Variants in BEND7 observed in about 807,000 individuals in gnomAD.
BEND7 encodes the protein BEN domain-containing protein 7.
Under a neutral mutation model 50.9 loss-of-function variants are expected in BEND7, and 28 were observed. The ratio of observed to expected loss-of-function variants is 0.55; its 90% confidence interval spans 0.41 to 0.75. The LOEUF (loss-of-function observed/expected upper bound fraction) is 0.75. BEND7 is among the 30% of genes least tolerant of loss of function. The pLI is 0.00. For synonymous variants in BEND7, 170 were observed against 183.9 expected (o/e 0.92, Z 0.61); for missense variants, 477 against 491.3 (o/e 0.97, Z 0.28).
At chr10:13,458,244 A>G (rs1490206147) in intron 6 of BEND7, among the ~76,000 whole-genome samples, 1 of 152,246 alleles carries the variant, frequency 6.6e-6, no homozygotes, top group African/African-American at 2.4e-5. Context: ...CCCTTCCTTC[A>G]GAATGCTGCT....
chr10:13,514,279 A>G lies in BEND7; in HGVS notation c.145+11859T>C, dbSNP rs2078495864. On this transcript the variant is annotated intron_variant, in intron 2 of 8. Coordinates refer to ENST00000466271, the MANE Select transcript of BEND7 (RefSeq NM_001369863.1). ...AACGTCAATTCTAATAACAGATATG[A>G]CGAGAAGATACGGTTGAGGAAAGCT... Among the ~76,000 whole-genome samples, 4 of 152,342 alleles carry G rather than the reference A, an allele frequency of 2.6e-5. No individual in the cohort carries two copies. In the South Asian group the frequency reaches 8.3e-4, roughly 32 times the overall value.
In BEND7 at chr10:13,441,729, T is replaced by C. The variant is rs1486228937; in HGVS notation, c.*14A>G. The C allele has an allele frequency of 6.2e-7, 1 of 1,613,990 alleles. No individual in the cohort carries two copies. Among genetic ancestry groups the C allele is most frequent in the Admixed American group, 1.7e-5 (1 of 60,002 alleles). On this transcript the variant is annotated 3_prime_UTR_variant, in exon 9 of 9. Coordinates refer to ENST00000466271, the MANE Select transcript of BEND7 (RefSeq NM_001369863.1). ...GGTGCAAAAAACACAAGAGCTGTGGTTTGCAGTCCTTCATCAGACCACTTG... is the reference window on the plus strand; with the variant it reads ...GGTGCAAAAAACACAAGAGCTGTGGCTTGCAGTCCTTCATCAGACCACTTG...
At position 13,491,884 on chromosome 10, in the gene BEND7, G is replaced by C. The variant is rs142074521; in HGVS notation, c.837+727C>G. 1.1e-4 allele frequency among the ~76,000 whole-genome samples: 17 copies of C among 152,168 alleles called. 1 individual carries two copies. The East Asian group carries it at 3.3e-3, about 29-fold the overall frequency. On this transcript the variant is annotated intron_variant, in intron 5 of 8. Transcript: ENST00000466271. ...GATCCCCCATTCTTGTTTATTTTAAGAACTCTCCCAACAAGTTAAGGTTCA... is the reference window on the plus strand; with the variant it reads ...GATCCCCCATTCTTGTTTATTTTAACAACTCTCCCAACAAGTTAAGGTTCA...
intron 2 of BEND7, among the ~76,000 whole-genome samples, chr10:13,512,729 A>T (rs965706452): frequency 6.6e-6 from 1 of 152,232 alleles, no homozygotes; most frequent in Non-Finnish European, 1.5e-5. Context: ...TTAAATTTTT[A>T]AAATATTCTG....
intron 6 of BEND7, chr10:13,459,765 T>C (rs1306281617): frequency 6.6e-6 from 1 of 152,246 alleles, no homozygotes; most frequent in East Asian, 1.9e-4. Flanking sequence ...GGTGAAGGAT[T>C]CTCTTTCTGT....
At chr10:13,502,584 A>C (rs1019188552) in intron 2 of BEND7, among the ~76,000 whole-genome samples, 2 of 152,202 alleles carry the variant, frequency 1.3e-5, no homozygotes, top group Admixed American at 6.5e-5. Context: ...AAGAGGTCCC[A>C]AAGGAATCCT....
chr10:13,528,506 T>C lies in BEND7; in HGVS notation c.28A>G (p.Arg10Gly). 1 of 1,039,992 alleles carries C rather than the reference T, an allele frequency of 9.6e-7. No individual in the cohort carries two copies. 64.4% of individuals were successfully genotyped at this position (1,039,992 alleles called of 1,614,324 possible). Residue 10 changes from arginine to glycine, a missense_variant, in exon 1 of 9, where the codon AGG becomes GGG. Arg to Gly is a moderately radical substitution (Grantham distance 125). This residue lies in a region of BEND7 where 396 missense variants were observed against 384.2 expected (regional missense o/e 1.03). Coordinates refer to ENST00000466271, the MANE Select transcript of BEND7 (RefSeq NM_001369863.1). Reference protein sequence around the residue: MEFSERKRSRKSQSFKLVSR... With the variant: MEFSERKRSGKSQSFKLVSR... ...ACCAGTTTGAAGCTCTGGGATTTCC[T>C]GCTTCTTTTCCTCTCGGAGAACTCC... is the stretch of plus-strand genomic sequence containing the variant.
intron 7 of BEND7, among the ~76,000 whole-genome samples, chr10:13,447,688 C>T (rs1243866201): frequency 1.1e-4 from 17 of 151,964 alleles, no homozygotes; most frequent in South Asian, 8.3e-4. Context: ...GGACTACAGG[C>T]GCCCGCCACC....
intron 7 of BEND7, 141 bp from the exon 8 acceptor site, chr10:13,447,457 T>C: frequency 1.4e-6 from 1 of 722,588 alleles, no homozygotes. Context: ...CTACCGTTGG[T>C]TCATATTACA....
intron 4 of BEND7, among the ~76,000 whole-genome samples, chr10:13,494,234 T>A (rs1387658057): frequency 2.0e-5 from 3 of 152,074 alleles, no homozygotes; most frequent in Non-Finnish European, 4.4e-5. Flanking sequence ...CTGGCCAACA[T>A]GGTGAAACCC....
intron 5 of BEND7, among the ~76,000 whole-genome samples, chr10:13,490,906 T>C (rs2076609514): frequency 3.3e-5 from 5 of 152,072 alleles, no homozygotes; most frequent in Admixed American, 1.3e-4. Flanking sequence ...TGGGTTCAAG[T>C]GATTCTTATG....
At chr10:13,523,366 T>G (rs1473381864) in intron 2 of BEND7, among the ~76,000 whole-genome samples, 1 of 152,236 alleles carries the variant, frequency 6.6e-6, no homozygotes, top group East Asian at 1.9e-4. Context: ...CCATGTGAGA[T>G]ACACTACGTT....
At chr10:13,446,856 C>T in intron 8 of BEND7, 1 of 252,004 alleles carries the variant, frequency 4.0e-6, no homozygotes, top group Non-Finnish European at 7.6e-6. Context: ...TGATTGACTG[C>T]TCAAGGCTCC....
At chr10:13,461,361 G>A (rs564056052) in intron 6 of BEND7, among the ~76,000 whole-genome samples, 3 of 152,278 alleles carry the variant, frequency 2.0e-5, no homozygotes, top group Admixed American at 1.3e-4. Context: ...AAAGGGCAAG[G>A]GTCTACCCCC....
At chr10:13,491,979 C>T (rs2076696521) in intron 5 of BEND7, among the ~76,000 whole-genome samples, 2 of 151,616 alleles carry the variant, frequency 1.3e-5, no homozygotes, top group Admixed American at 6.6e-5. Context: ...CACTATTAAA[C>T]ACATTCGTTT....
chr10:13,461,697 T>A (rs998847615), intron 6 of BEND7, among the ~76,000 whole-genome samples: 3 of 151,100 alleles, frequency 2.0e-5, no homozygotes, highest in African/African-American at 7.3e-5. Context: ...GGTGCCACTG[T>A]ACTCCAGCCT....
upstream of BEND7, among the ~76,000 whole-genome samples, chr10:13,529,185 G>A (rs1166683579): frequency 1.4e-5 from 2 of 145,250 alleles, no homozygotes; most frequent in African/African-American, 2.5e-5. Context: ...CGCGGAGGCC[G>A]CGGCGCAGCG....
intron 6 of BEND7, among the ~76,000 whole-genome samples, chr10:13,478,894 C>T (rs1427053784): frequency 6.6e-6 from 1 of 151,804 alleles, no homozygotes; most frequent in Non-Finnish European, 1.5e-5. Flanking sequence ...ATTTTAAGTT[C>T]TTCAATTGGA....
chr10:13,529,553 T>C (rs2079590383), upstream of BEND7, among the ~76,000 whole-genome samples: 1 of 152,142 alleles, frequency 6.6e-6, no homozygotes, highest in Non-Finnish European at 1.5e-5. Flanking sequence ...CCGAGTCACA[T>C]TCAAGGAGAG....
Sources: allele counts gnomAD v4.1 joint callset (sites outside exome capture counted in the v4.1 genomes callset), GRCh38; gene constraint gnomAD v4.1.1; regional missense constraint gnomAD v4.1.1; transcripts MANE v1.5; gene names NCBI Gene and HGNC (gene_info 2026-07-23, HGNC 2026-07-21).